The following OR10J1 variants were observed in gnomAD, a reference collection of about 807,000 sequenced individuals.
OR10J1 encodes olfactory receptor family 10 subfamily J member 1.
For missense variants in OR10J1, 474 were observed against 376.6 expected (o/e 1.26, Z -2.14); for synonymous variants, 202 against 143.8 (o/e 1.40, Z -2.89).
chr1:159,406,968 A>G, the OR10J1 span, among the ~76,000 whole-genome samples: 4 of 152,060 alleles, frequency 2.6e-5, no homozygotes, highest in East Asian at 7.7e-4. Context: ...CACCCAAACT[A>G]CAATAGTGGC....
upstream of OR10J1, chr1:159,433,177 T>G: frequency 2.5e-6 from 1 of 398,644 alleles, no homozygotes; most frequent in Non-Finnish European, 4.4e-6. Context: ...AAAAAGAGTT[T>G]GATGAGGTGT....
the OR10J1 span, among the ~76,000 whole-genome samples, chr1:159,412,520 A>G: frequency 8.8e-5 from 13 of 147,270 alleles, no homozygotes; most frequent in Non-Finnish European, 1.6e-4. Context: ...CAGAGCCCTC[A>G]GAAATAATGC....
the OR10J1 span, among the ~76,000 whole-genome samples, chr1:159,411,174 G>C: frequency 6.6e-6 from 1 of 152,120 alleles, no homozygotes; most frequent in Non-Finnish European, 1.5e-5. Flanking sequence ...TGCATATTCT[G>C]TTGATTTGGG....
the OR10J1 span, among the ~76,000 whole-genome samples, chr1:159,407,040 C>T: frequency 2.6e-5 from 4 of 152,094 alleles, no homozygotes; most frequent in Admixed American, 1.3e-4. Context: ...CCATAACAAA[C>T]ATTTCTGCAA....
chr1:159,410,903 T>C, the OR10J1 span, among the ~76,000 whole-genome samples: 88 of 151,010 alleles, frequency 5.8e-4, no homozygotes, highest in African/African-American at 2.1e-3. Context: ...GTTGTGTCTT[T>C]GTTGTCATTG....
the OR10J1 span, among the ~76,000 whole-genome samples, chr1:159,400,306 G>A: frequency 2.0e-5 from 3 of 151,888 alleles, no homozygotes; most frequent in South Asian, 4.1e-4. Context: ...GAAAAAACAA[G>A]ATCCATTGAT....
the OR10J1 span, among the ~76,000 whole-genome samples, chr1:159,412,135 G>A: frequency 5.3e-5 from 8 of 151,942 alleles, no homozygotes; most frequent in African/African-American, 1.7e-4. Flanking sequence ...TACAAGGGAC[G>A]TGAAGGACCT....
the OR10J1 span, chr1:159,432,800 A>C: frequency 2.5e-6 from 1 of 402,828 alleles, no homozygotes; most frequent in Non-Finnish European, 4.4e-6. Flanking sequence ...AGGAGTTATT[A>C]CTTTGCTCAT....
chr1:159,405,132 T>A, the OR10J1 span, among the ~76,000 whole-genome samples: 11 of 151,844 alleles, frequency 7.2e-5, no homozygotes, highest in African/African-American at 2.7e-4. Flanking sequence ...TGTGAACAAA[T>A]AAAGACATGA....
chr1:159,408,723 T>G, the OR10J1 span, among the ~76,000 whole-genome samples: 1 of 152,116 alleles, frequency 6.6e-6, no homozygotes, highest in Non-Finnish European at 1.5e-5. Flanking sequence ...ATGTTAGTAC[T>G]TAACTCATAA....
chr1:159,432,969 C>T, upstream of OR10J1: 1 of 432,082 alleles, frequency 2.3e-6, no homozygotes, highest in East Asian at 3.3e-5. Flanking sequence ...TATGGCCGTA[C>T]TTCTTTCATC....
the OR10J1 span, among the ~76,000 whole-genome samples, chr1:159,412,845 A>G: frequency 6.6e-6 from 1 of 151,716 alleles, no homozygotes; most frequent in Non-Finnish European, 1.5e-5. Context: ...ATGGGATCTA[A>G]TTAAACTAAA....
chr1:159,413,407 C>G, the OR10J1 span, among the ~76,000 whole-genome samples: 85 of 151,892 alleles, frequency 5.6e-4, 3 homozygotes, highest in East Asian at 0.015. Context: ...TATTGTGGCA[C>G]TATTCACAAT....
chr1:159,415,463 G>T, the OR10J1 span, among the ~76,000 whole-genome samples: 2 of 152,016 alleles, frequency 1.3e-5, no homozygotes, highest in South Asian at 2.1e-4. Flanking sequence ...TGCTATTTTG[G>T]TTATGATAGC....
the OR10J1 span, among the ~76,000 whole-genome samples, chr1:159,417,585 G>A: frequency 1.3e-5 from 2 of 152,124 alleles, no homozygotes; most frequent in Non-Finnish European, 2.9e-5. Flanking sequence ...CCTCAGCCAC[G>A]TGGAACTATG....
chr1:159,412,174 A>T, the OR10J1 span, among the ~76,000 whole-genome samples: 4 of 152,094 alleles, frequency 2.6e-5, no homozygotes, highest in African/African-American at 9.7e-5. Context: ...ACCACTGCTC[A>T]GTGAAATAAA....
rs769973981 is a variant in OR10J1, at chr1:159,440,577, G to A, written c.786G>A (p.Lys262=). 41 of 1,613,806 alleles carry A rather than the reference G, an allele frequency of 2.5e-5. No homozygotes were observed. Among genetic ancestry groups the A allele is most frequent in the Middle Eastern group, 1.6e-4 (1 of 6,062 alleles). ...CCTCCATTGCCTACCTCAAGCCCAA[G>A]TCAGAGAACACCAGAGAACATGACC... ...SCASIAYLKP[K]SENTREHDQL... Residue 262 remains lysine, a synonymous_variant, in exon 1 of 1, where the codon AAG becomes AAA. Transcript: ENST00000423932.
chr1:159,430,034 C>A, the OR10J1 span, among the ~76,000 whole-genome samples: 1 of 152,032 alleles, frequency 6.6e-6, no homozygotes, highest in African/African-American at 2.4e-5. Context: ...GATTCTTGTT[C>A]TGTAACTAAA....
the OR10J1 span, among the ~76,000 whole-genome samples, chr1:159,420,572 C>G: frequency 6.6e-6 from 1 of 152,094 alleles, no homozygotes. Context: ...CATAGGACTC[C>G]CTTAAGCATT....
Sources: allele counts gnomAD v4.1 joint callset (sites outside exome capture counted in the v4.1 genomes callset), GRCh38; gene constraint gnomAD v4.1.1; transcripts MANE v1.5; gene names NCBI Gene and HGNC (gene_info 2026-07-23, HGNC 2026-07-21).